CIITA: variants seen among roughly 807,000 people sequenced by gnomAD.
The protein encoded by CIITA is MHC class II transactivator.
In CIITA, 72 loss-of-function variants were observed where a neutral mutation model predicts 115.1. That is an observed-to-expected ratio of 0.63 (90% CI 0.52 to 0.76). The LOEUF (loss-of-function observed/expected upper bound fraction) is 0.76. Among genes scored for constraint, CIITA ranks in the 30% least tolerant of loss-of-function variants. The probability of loss-of-function intolerance (pLI) is 0.00; values close to 1 mark genes in which losing one functional copy is unlikely to be tolerated. For synonymous variants in CIITA, 763 were observed against 635.6 expected (o/e 1.20, Z -3.02); for missense variants, 1,617 against 1,463.8 (o/e 1.10, Z -1.71).
chr16:10,909,807 T>C (rs1486007164), intron 12 of CIITA, among the ~76,000 whole-genome samples: 1 of 152,214 alleles, frequency 6.6e-6, no homozygotes, highest in Non-Finnish European at 1.5e-5. Context: ...GATCATAGCT[T>C]ACTGTAGCTT....
chr16:10,877,338 G>T lies in CIITA; in HGVS notation c.8G>T (p.Cys3Phe), dbSNP rs113187651. Reference sequence around the variant, plus strand: ...GGCTGGGATTCCTACACAATGCGTTGCCTGGCTCCACGCCCTGCTGGGTCC... The same window carrying T: ...GGCTGGGATTCCTACACAATGCGTTTCCTGGCTCCACGCCCTGCTGGGTCC... MRCLAPRPAGSYL... is the reference protein window; with the variant it reads MRFLAPRPAGSYL... The change falls in exon 1 of 20, where the codon TGC becomes TTC. Residue 3 changes from cysteine to phenylalanine, a missense_variant. Coordinates refer to ENST00000324288, the MANE Select transcript of CIITA (RefSeq NM_000246.4). 2 of 1,613,140 alleles carry T rather than the reference G, an allele frequency of 1.2e-6. No homozygotes were observed. Among genetic ancestry groups the T allele is most frequent in the Non-Finnish European group, 1.7e-6 (2 of 1,179,516 alleles).
intron 13 of CIITA, among the ~76,000 whole-genome samples, chr16:10,911,890 A>G (rs1402597659): frequency 6.6e-6 from 1 of 151,894 alleles, no homozygotes; most frequent in African/African-American, 2.4e-5. Flanking sequence ...TTCCATCTCA[A>G]TTATCTCAGG....
At position 10,903,664 on chromosome 16, in the gene CIITA, G is replaced by A. The variant is rs1170834055; in HGVS notation, c.773-67G>A. 2.6e-6 allele frequency: 4 copies of A among 1,567,774 alleles called. No individual in the cohort carries two copies. The South Asian group carries it at 4.4e-5, about 17-fold the overall frequency. ...CTCCACAGCCCAGTTTGGAGTAGGG[G>A]TGACCCAAGTGCATTTCTGGAATCA... On this transcript the variant is annotated intron_variant, in intron 8 of 19. Coordinates refer to ENST00000324288, the MANE Select transcript of CIITA (RefSeq NM_000246.4).
chr16:10,914,625 T>G (rs768633146), intron 13 of CIITA, among the ~76,000 whole-genome samples: 2 of 152,228 alleles, frequency 1.3e-5, no homozygotes, highest in African/African-American at 2.4e-5. Flanking sequence ...TTCGTTGTCC[T>G]TATTTTTCTC....
In CIITA at chr16:10,909,083, G is replaced by A; in HGVS notation, c.2712G>A (p.Glu904=). Residue 904 remains glutamate (E), a synonymous_variant, in exon 12 of 20, where the codon GAG becomes GAA. Coordinates refer to ENST00000324288, the MANE Select transcript of CIITA (RefSeq NM_000246.4). Reference sequence around the variant, plus strand: ...GGGAGTCCCTGCAGCAGCATGGGGAGACCAAGCTACTTCAGGCAGCAGAGG... The same window carrying A: ...GGGAGTCCCTGCAGCAGCATGGGGAAACCAAGCTACTTCAGGCAGCAGAGG... ...ALWESLQQHG[E]TKLLQAAEEK... 1 of 1,614,126 alleles carries A rather than the reference G, an allele frequency of 6.2e-7. No individual in the cohort carries two copies. The highest frequency in any genetic ancestry group is 1.1e-5 in the South Asian group (1 of 91,082).
chr16:10,877,442 C>A, intron 1 of CIITA, 60 bp downstream of exon 1: 1 of 1,526,514 alleles, frequency 6.6e-7, no homozygotes, highest in Non-Finnish European at 9.0e-7. Flanking sequence ...CCTGCCATTC[C>A]AGATAAACAG....
intron 1 of CIITA, among the ~76,000 whole-genome samples, chr16:10,885,762 T>A (rs1172219492): frequency 6.6e-6 from 1 of 152,176 alleles, no homozygotes; most frequent in African/African-American, 2.4e-5. Flanking sequence ...CAGAGGTTTG[T>A]TTCTTTGTGA....
upstream of CIITA, among the ~76,000 whole-genome samples, chr16:10,873,154 G>T (rs1438696887): frequency 6.6e-6 from 1 of 152,004 alleles, no homozygotes; most frequent in African/African-American, 2.4e-5. Flanking sequence ...TTTATTTGTG[G>T]TAGAGATGAG....
rs181848837 is a variant in CIITA, at chr16:10,880,426, T to C, written c.52+3044T>C. On this transcript the variant is annotated intron_variant, in intron 1 of 19. Coordinates refer to ENST00000324288, the MANE Select transcript of CIITA (RefSeq NM_000246.4). ...AGGCGCTGATGTGGTCTCATCTCTT[T>C]ACTCTCTCCCTGTTACAAAACCTCT... 8.4e-3 allele frequency among the ~76,000 whole-genome samples: 1,286 copies of C among 152,336 alleles called. 14 individuals carry two copies. The highest frequency in any genetic ancestry group is 0.029 in the African/African-American group (1,204 of 41,572).
chr16:10,876,447 T>C (rs994384943), upstream of CIITA, among the ~76,000 whole-genome samples: 2 of 152,226 alleles, frequency 1.3e-5, no homozygotes, highest in African/African-American at 4.8e-5. Context: ...TGTAGAAGGC[T>C]CTGAGGCTAG....
Position 10,925,370 on chromosome 16 carries a change from T to C in CIITA, c.*1515T>C, listed in dbSNP as rs2040489193. The stretch of plus-strand genomic sequence containing the variant: ...TCGCCCAGTCTGGAATGCAGTGGTA[T>C]GATCACGGCTCACTGCAGCCTCAAC... On this transcript the variant is annotated 3_prime_UTR_variant, in exon 20 of 20. Transcript: ENST00000324288. The C allele has an allele frequency of 6.6e-6, 1 of 152,364 alleles. No homozygotes were observed. Among genetic ancestry groups the C allele is most frequent in the Non-Finnish European group, 1.5e-5 (1 of 68,140 alleles). 9.4% of individuals were successfully genotyped at this position (152,364 alleles called of 1,614,324 possible).
chr16:10,888,982 G>A (rs2037248148), intron 1 of CIITA, among the ~76,000 whole-genome samples: 1 of 152,224 alleles, frequency 6.6e-6, no homozygotes, highest in South Asian at 2.1e-4. Flanking sequence ...AGACCAAATG[G>A]GGTAATGCCT....
At chr16:10,884,058 A>C (rs952458806) in intron 1 of CIITA, among the ~76,000 whole-genome samples, 1 of 140,580 alleles carries the variant, frequency 7.1e-6, no homozygotes, top group African/African-American at 2.6e-5. Flanking sequence ...GGTGTTGTAC[A>C]TTCTGTGGGT....
rs1485847244 is a variant in CIITA at position 10,924,293 on chromosome 16, G to C, written c.*438G>C. 1 of 152,354 alleles carries C rather than the reference G, an allele frequency of 6.6e-6. No homozygotes were observed. Among genetic ancestry groups the C allele is most frequent in the Non-Finnish European group, 1.5e-5 (1 of 68,184 alleles). The allele number at this position is 152,354 out of a possible 1,614,324, so 9.4% of individuals were successfully genotyped here. On this transcript the variant is annotated 3_prime_UTR_variant, in exon 20 of 20. Coordinates refer to ENST00000324288, the MANE Select transcript of CIITA (RefSeq NM_000246.4). ...CTGTTGCCCAGGCTGGCGTGCAGTG[G>C]TGCGATCTGGGTTCACTGCAACCTC...
Position 10,923,017 on chromosome 16 carries a change from C to T in CIITA, c.3318-211C>T. The T allele has an allele frequency of 5.0e-6, 3 of 597,010 alleles. No individual in the cohort carries two copies. The highest frequency in any genetic ancestry group is 1.9e-5 in the South Asian group (1 of 51,374). 37.0% of individuals were successfully genotyped at this position (597,010 alleles called of 1,614,324 possible). A position where few individuals can be genotyped will look rare whatever the true frequency, so the allele number is the denominator to read the frequency against. On this transcript the variant is annotated intron_variant, in intron 18 of 19. Transcript: ENST00000324288. This position sits in a 1 kb window ranked among gnomAD's most constrained non-coding sequence, Gnocchi z 5.2. Reference sequence around the variant, plus strand: ...CAGTTAACTAACCTTTCTGGGGTCACACAGCAAGTCAGCTGCAGAACCATA... The same window carrying T: ...CAGTTAACTAACCTTTCTGGGGTCATACAGCAAGTCAGCTGCAGAACCATA...
At chr16:10,880,028 A>G (rs1381662319) in intron 1 of CIITA, among the ~76,000 whole-genome samples, 1 of 152,172 alleles carries the variant, frequency 6.6e-6, no homozygotes, top group East Asian at 1.9e-4. Flanking sequence ...ATAAATAAAT[A>G]CTTCTCCGGA....
At chr16:10,922,753 T>G (rs1026056555) in intron 18 of CIITA, among the ~76,000 whole-genome samples, 3 of 152,224 alleles carry the variant, frequency 2.0e-5, no homozygotes, top group African/African-American at 4.8e-5. Flanking sequence ...AAAATGCCAA[T>G]AAATGCTATA....
chr16:10,885,592 G>C (rs948412364), intron 1 of CIITA, among the ~76,000 whole-genome samples: 1 of 152,108 alleles, frequency 6.6e-6, no homozygotes, highest in Admixed American at 6.5e-5. Flanking sequence ...TCTACACTTG[G>C]TTTGCAAACA....
upstream of CIITA, chr16:10,877,127 A>G: frequency 1.6e-6 from 1 of 636,296 alleles, no homozygotes; most frequent in Non-Finnish European, 2.8e-6. Context: ...TTGCAGGGAG[A>G]GTTTTTTTGA....
Sources: allele counts gnomAD v4.1 joint callset (sites outside exome capture counted in the v4.1 genomes callset), GRCh38; gene constraint gnomAD v4.1.1; non-coding constraint Gnocchi (gnomAD v3.1); transcripts MANE v1.5; gene names NCBI Gene and HGNC (gene_info 2026-07-23, HGNC 2026-07-21).